Variants in LINGO2 observed in about 807,000 individuals in gnomAD.
LINGO2 encodes the protein leucine rich repeat and Ig domain containing 2, also known as leucine-rich repeat and immunoglobulin-like domain-containing nogo receptor-interacting protein 2.
Under a neutral mutation model 30.6 loss-of-function variants are expected in LINGO2, and 14 were observed. That is an observed-to-expected ratio of 0.46 (90% CI 0.30 to 0.72). The LOEUF (loss-of-function observed/expected upper bound fraction) is 0.72, where lower values mean the gene tolerates loss of function less well. Ranked by LOEUF, LINGO2 falls within the 30% of genes least tolerant of loss-of-function variation. The pLI is 0.07. For missense variants in LINGO2, 729 were observed against 751.7 expected (o/e 0.97, Z 0.35); for synonymous variants, 317 against 288.5 (o/e 1.10, Z -1.00).
the LINGO2 span, among the ~76,000 whole-genome samples, chr9:28,687,220 G>C: frequency 4.6e-5 from 7 of 152,140 alleles, no homozygotes. Context: ...CATTTACATA[G>C]GTAAGAAATA....
chr9:28,920,629 T>C, the LINGO2 span, among the ~76,000 whole-genome samples: 1 of 152,158 alleles, frequency 6.6e-6, no homozygotes, highest in Admixed American at 6.6e-5. Context: ...TCTTATGTAG[T>C]AATGGGTCAT....
At chr9:28,811,295 A>C in the LINGO2 span, among the ~76,000 whole-genome samples, 1 of 152,124 alleles carries the variant, frequency 6.6e-6, no homozygotes, top group African/African-American at 2.4e-5. Flanking sequence ...CCCTAGTCCC[A>C]GTCACAATTA....
the LINGO2 span, among the ~76,000 whole-genome samples, chr9:28,800,012 AG>A: frequency 6.6e-6 from 1 of 152,160 alleles, no homozygotes; most frequent in Middle Eastern, 3.4e-3. Context: ...TTCTTACTTT[AG>A]AACTTAGGTT....
the LINGO2 span, among the ~76,000 whole-genome samples, chr9:28,769,504 ATATATATATATATATTTTTTTTTT>A: frequency 0.023 from 76 of 3,362 alleles, 7 homozygotes; most frequent in African/African-American, 0.057. Context: ...ATATATATAT[ATATATATATATATATTTTTTTTTT>A]TTTTTTTTTT....
chr9:28,591,389 T>G (rs555211084), intron 1 of LINGO2, among the ~76,000 whole-genome samples: 2 of 151,986 alleles, frequency 1.3e-5, no homozygotes, highest in African/African-American at 4.8e-5. Context: ...TCTACATTTG[T>G]AGCAGAAAAA....
chr9:27,949,870 C>T (rs1032682598), exon 6 of LINGO2: 2 of 1,613,694 alleles, frequency 1.2e-6, no homozygotes, highest in African/African-American at 2.7e-5. Flanking sequence ...TGTTTAAAGG[C>T]AAGGAAGGGT....
At chr9:28,239,448 A>G (rs545846626) in intron 4 of LINGO2, among the ~76,000 whole-genome samples, 14 of 152,250 alleles carry the variant, frequency 9.2e-5, no homozygotes, top group African/African-American at 2.9e-4. Flanking sequence ...ATGACCAAGT[A>G]GGATTTACAA....
the LINGO2 span, among the ~76,000 whole-genome samples, chr9:29,005,375 G>C: frequency 6.6e-6 from 1 of 151,584 alleles, no homozygotes; most frequent in Admixed American, 6.6e-5. Context: ...TAGATTAATA[G>C]AAAAATATAT....
the LINGO2 span, among the ~76,000 whole-genome samples, chr9:29,006,383 G>C: frequency 6.6e-6 from 1 of 151,814 alleles, no homozygotes; most frequent in Non-Finnish European, 1.5e-5. Context: ...ACTAAAGAGA[G>C]ACTCACCTAC....
chr9:28,170,260 T>C (rs1828545789), intron 4 of LINGO2, among the ~76,000 whole-genome samples: 1 of 152,190 alleles, frequency 6.6e-6, no homozygotes, highest in Non-Finnish European at 1.5e-5. Context: ...TACATGACAT[T>C]GTTCCAAGTA....
intron 2 of LINGO2, among the ~76,000 whole-genome samples, chr9:28,432,724 T>C (rs1000333636): frequency 6.6e-6 from 1 of 152,134 alleles, no homozygotes; most frequent in Non-Finnish European, 1.5e-5. Context: ...TAGAAAAATG[T>C]TATAAGATAC....
chr9:28,023,249 T>C (rs1033415908), intron 4 of LINGO2, among the ~76,000 whole-genome samples: 4 of 152,180 alleles, frequency 2.6e-5, no homozygotes, highest in Non-Finnish European at 5.9e-5. Flanking sequence ...GACATGATGT[T>C]TCAGGTAATA....
exon 6 of LINGO2, chr9:27,950,027 A>G: frequency 6.2e-7 from 1 of 1,614,094 alleles, no homozygotes; most frequent in Non-Finnish European, 8.5e-7. Context: ...ACACAGGCAT[A>G]TTGTTGATAT....
chr9:29,185,483 C>T, the LINGO2 span, among the ~76,000 whole-genome samples: 2 of 152,134 alleles, frequency 1.3e-5, no homozygotes, highest in Non-Finnish European at 2.9e-5. Flanking sequence ...TACACAACCC[C>T]ATGGGATAGG....
chr9:28,163,625 A>C (rs928802379), intron 4 of LINGO2, among the ~76,000 whole-genome samples: 11 of 152,184 alleles, frequency 7.2e-5, no homozygotes, highest in Non-Finnish European at 1.3e-4. Flanking sequence ...AGTTGCTCTT[A>C]AACAAAGGCA....
At chr9:28,156,057 C>G (rs1828123171) in intron 4 of LINGO2, among the ~76,000 whole-genome samples, 1 of 152,098 alleles carries the variant, frequency 6.6e-6, no homozygotes, top group Non-Finnish European at 1.5e-5. Flanking sequence ...GATTTTAATC[C>G]TTTCTTTTTA....
the LINGO2 span, among the ~76,000 whole-genome samples, chr9:28,793,419 G>T: frequency 6.6e-6 from 1 of 152,066 alleles, no homozygotes; most frequent in East Asian, 1.9e-4. Context: ...AGTCTTTTTC[G>T]ATCACACCCT....
intron 4 of LINGO2, among the ~76,000 whole-genome samples, chr9:28,085,878 G>T (rs538859954): frequency 6.6e-6 from 1 of 152,164 alleles, no homozygotes; most frequent in South Asian, 2.1e-4. Context: ...ATTCGTGAGT[G>T]TCTATAAATA....
intron 4 of LINGO2, among the ~76,000 whole-genome samples, chr9:28,189,285 GAGGGAGGAAGGAAGGAAGGGAGGAAGGA>G (rs1819669320): frequency 7.1e-5 from 2 of 28,148 alleles, no homozygotes; most frequent in Non-Finnish European, 1.4e-4. Context: ...GGGAGGGAGG[GAGGGAGGAAGGAAGGAAGGGAGGAAGGA>G]AGGAAGGAAG....
Sources: allele counts gnomAD v4.1 joint callset (sites outside exome capture counted in the v4.1 genomes callset), GRCh38; gene constraint gnomAD v4.1.1; transcripts MANE v1.5; gene names NCBI Gene and HGNC (gene_info 2026-07-23, HGNC 2026-07-21).